Variants in SKI observed in about 807,000 individuals in gnomAD.
SKI encodes SKI proto-oncogene, also known as ski oncogene.
SKI carries 23 observed loss-of-function variants against 59.3 expected under a neutral mutation model. The ratio of observed to expected loss-of-function variants is 0.39; its 90% CI spans 0.28 to 0.55. The LOEUF (loss-of-function observed/expected upper bound fraction) is 0.55. Among genes scored for constraint, SKI ranks in the 20% least tolerant of loss-of-function variants. The probability of loss-of-function intolerance (pLI) is 0.67; values close to 1 mark genes in which losing one functional copy is unlikely to be tolerated. For synonymous variants in SKI, 673 were observed against 488.6 expected (o/e 1.38, Z -4.98); for missense variants, 1,017 against 1,038.9 (o/e 0.98, Z 0.29).
intron 1 of SKI, among the ~76,000 whole-genome samples, chr1:2,295,010 A>C (rs746241550): frequency 3.3e-5 from 5 of 152,228 alleles, no homozygotes; most frequent in Non-Finnish European, 5.9e-5. Flanking sequence ...CCTAAAGTGG[A>C]TGTCAGGCCC....
intron 1 of SKI, among the ~76,000 whole-genome samples, chr1:2,259,908 A>G (rs765964515): frequency 1.3e-5 from 2 of 152,052 alleles, no homozygotes; most frequent in South Asian, 2.1e-4. Context: ...TTGTTCCTCC[A>G]TTTGCCCGTT....
Position 2,307,007 on chromosome 1 carries a change from G to A in SKI, c.*242G>A, listed in dbSNP as rs779321206. The A allele has an allele frequency of 6.6e-6, 2 of 305,232 alleles. No homozygotes were observed. The highest frequency in any genetic ancestry group is 1.2e-5 in the Non-Finnish European group (2 of 166,240). The allele number at this position is 305,232 out of a possible 1,614,324, so 18.9% of individuals were successfully genotyped here. On this transcript the variant is annotated 3_prime_UTR_variant, in exon 7 of 7. Transcript: ENST00000378536. Reference sequence around the variant, plus strand: ...CAGCTGGAGACGGGGCCAGCTCGGCGGCCTGCTGGTCCTCTGCTTGCTGGA... The same window carrying A: ...CAGCTGGAGACGGGGCCAGCTCGGCAGCCTGCTGGTCCTCTGCTTGCTGGA...
At position 2,270,445 on chromosome 1, in the gene SKI, G is replaced by A. The variant is rs1298558709; in HGVS notation, c.970-32533G>A. On this transcript the variant is annotated intron_variant, in intron 1 of 6. Coordinates refer to ENST00000378536, the MANE Select transcript of SKI (RefSeq NM_003036.4). The surrounding 1 kb of genome is among the most constrained non-coding windows in gnomAD (Gnocchi z 4.1). ...GCCAGGGGGTGTGGCCACAGGGCCT[G>A]GGCTTTGTCCCGTTTACGAGAGGTC... Among the ~76,000 whole-genome samples the A allele has an allele frequency of 3.3e-5, 5 of 152,356 alleles. No homozygotes were observed. Among genetic ancestry groups the A allele is most frequent in the African/African-American group, 1.2e-4 (5 of 41,578 alleles).
At chr1:2,266,927 G>A (rs2100847166) in intron 1 of SKI, among the ~76,000 whole-genome samples, 1 of 152,308 alleles carries the variant, frequency 6.6e-6, no homozygotes, top group South Asian at 2.1e-4. Flanking sequence ...GAGGCCCTCA[G>A]GGTGGCCTCT....
At chr1:2,290,347 G>A (rs930241939) in intron 1 of SKI, among the ~76,000 whole-genome samples, 3 of 152,172 alleles carry the variant, frequency 2.0e-5, no homozygotes, top group Admixed American at 2.0e-4. Flanking sequence ...GAGCTGATTG[G>A]GGGTAGGCCA....
chr1:2,234,966 G>A (rs1016976018), intron 1 of SKI, among the ~76,000 whole-genome samples: 5 of 152,130 alleles, frequency 3.3e-5, no homozygotes, highest in African/African-American at 1.2e-4. Context: ...GGCCTCCAGA[G>A]CGGGTGGTAG....
chr1:2,279,551 C>A (rs1002206253), intron 1 of SKI, among the ~76,000 whole-genome samples: 2 of 152,086 alleles, frequency 1.3e-5, no homozygotes, highest in African/African-American at 4.8e-5. Flanking sequence ...TGCCTCCCCT[C>A]CTCTGACAAC....
At position 2,256,700 on chromosome 1, in the gene SKI, G is replaced by A. The variant is rs138840592; in HGVS notation, c.969+26965G>A. On this transcript the variant is annotated intron_variant, in intron 1 of 6. Coordinates refer to ENST00000378536, the MANE Select transcript of SKI (RefSeq NM_003036.4). ...AGAACACTTGTCGGCGCTCCTCAGC[G>A]TCTTGCCTCTGGTGTCCCCATGGCG... 7.9e-5 allele frequency among the ~76,000 whole-genome samples: 12 copies of A among 152,386 alleles called. No homozygotes were observed. The South Asian group carries it at 1.2e-3, about 16-fold the overall frequency.
In SKI at chr1:2,306,806, G is replaced by T. The variant is rs774638939; in HGVS notation, c.*41G>T. 21 of 1,393,604 alleles carry T rather than the reference G, an allele frequency of 1.5e-5. 1 individual carries two copies. In the South Asian group the frequency reaches 3.0e-4, roughly 20 times the overall value. The allele number at this position is 1,393,604 out of a possible 1,614,324, so 86.3% of individuals were successfully genotyped here. On this transcript the variant is annotated 3_prime_UTR_variant, in exon 7 of 7. Transcript: ENST00000378536. The stretch of plus-strand genomic sequence containing the variant: ...CCGCAGCGCCGCCGACAACGCGGGT[G>T]CAGGGGGGCGCGGCTGGGCGGTGCA...
rs529880558 is a variant in SKI, at chr1:2,271,685, C to T, written c.970-31293C>T. 4.0e-5 allele frequency among the ~76,000 whole-genome samples: 6 copies of T among 151,644 alleles called. No individual in the cohort carries two copies. In the East Asian group the frequency reaches 1.2e-3, roughly 30 times the overall value. Reference sequence around the variant, plus strand: ...GGCCCCTTGCCTGTCCCTGCGGGCCCGCCCCAGGGCGGGGATTGTGGCCCT... The same window carrying T: ...GGCCCCTTGCCTGTCCCTGCGGGCCTGCCCCAGGGCGGGGATTGTGGCCCT... On this transcript the variant is annotated intron_variant, in intron 1 of 6. Coordinates refer to ENST00000378536, the MANE Select transcript of SKI (RefSeq NM_003036.4).
intron 1 of SKI, among the ~76,000 whole-genome samples, chr1:2,294,506 C>A (rs77815099): frequency 0.012 from 1,789 of 152,312 alleles, 34 homozygotes; most frequent in African/African-American, 0.041. Flanking sequence ...AAGAAGACCA[C>A]GTCGTGCCGT....
intron 1 of SKI, among the ~76,000 whole-genome samples, chr1:2,271,616 G>T (rs895553441): frequency 1.3e-5 from 2 of 151,812 alleles, no homozygotes. Flanking sequence ...CGCTGCTCTC[G>T]CCCCTCGGGA....
At chr1:2,291,536 G>T (rs1051205592) in intron 1 of SKI, among the ~76,000 whole-genome samples, 2 of 152,250 alleles carry the variant, frequency 1.3e-5, no homozygotes, top group African/African-American at 4.8e-5. Flanking sequence ...GAGAACCCCA[G>T]CAAGGTTGGG....
intron 1 of SKI, among the ~76,000 whole-genome samples, chr1:2,232,242 A>G (rs1464463544): frequency 6.6e-6 from 1 of 151,658 alleles, no homozygotes; most frequent in Non-Finnish European, 1.5e-5. Context: ...ATGTACTGGA[A>G]CTCTCTTTGC....
intron 1 of SKI, among the ~76,000 whole-genome samples, chr1:2,287,178 TG>T (rs1325238754): frequency 1.3e-5 from 2 of 152,056 alleles, no homozygotes; most frequent in African/African-American, 4.8e-5. Context: ...ACCTGTGCTC[TG>T]GACCCTGGGC....
intron 1 of SKI, among the ~76,000 whole-genome samples, chr1:2,244,956 C>T (rs947121535): frequency 6.6e-6 from 1 of 152,108 alleles, no homozygotes; most frequent in Non-Finnish European, 1.5e-5. Context: ...ATAAAAGGGT[C>T]GAATCAACTG....
At chr1:2,246,312 A>T (rs1209493374) in intron 1 of SKI, among the ~76,000 whole-genome samples, 4 of 152,002 alleles carry the variant, frequency 2.6e-5, no homozygotes, top group African/African-American at 7.2e-5. Flanking sequence ...TCGTGTGCTT[A>T]TTGGCCACTC....
intron 1 of SKI, among the ~76,000 whole-genome samples, chr1:2,290,299 G>A (rs1483230174): frequency 2.6e-5 from 4 of 152,202 alleles, no homozygotes; most frequent in African/African-American, 7.2e-5. Context: ...CTGTGAGGGT[G>A]TGGCTGTGAT....
Position 2,303,190 on chromosome 1 carries a change from C to T in SKI, c.1095+87C>T, listed in dbSNP as rs1484040584. 1 of 1,603,042 alleles carries T rather than the reference C, an allele frequency of 6.2e-7. No individual in the cohort carries two copies. Among genetic ancestry groups the T allele is most frequent in the Non-Finnish European group, 8.5e-7 (1 of 1,172,206 alleles). ...ACCCAGCGGCTGGCAGCTCCACCTG[C>T]CCGCTACTGAGGGCTGGCACCCGGC... is the stretch of plus-strand genomic sequence containing the variant. On this transcript the variant is annotated intron_variant, in intron 2 of 6. Transcript: ENST00000378536. This position sits in a 1 kb window ranked among gnomAD's most constrained non-coding sequence, Gnocchi z 5.6.
Sources: allele counts gnomAD v4.1 joint callset (sites outside exome capture counted in the v4.1 genomes callset), GRCh38; gene constraint gnomAD v4.1.1; non-coding constraint Gnocchi (gnomAD v3.1); transcripts MANE v1.5; gene names NCBI Gene and HGNC (gene_info 2026-07-23, HGNC 2026-07-21).